CNIH3: variants seen among roughly 807,000 people sequenced by gnomAD.
CNIH3 encodes the protein protein cornichon homolog 3.
CNIH3 carries 14 observed loss-of-function variants against 24.1 expected under a neutral mutation model. The observed-to-expected ratio is 0.58, with a 90% CI of 0.38 to 0.91. The LOEUF (loss-of-function observed/expected upper bound fraction) is 0.91. Among genes scored for constraint, CNIH3 ranks in the 40% least tolerant of loss-of-function variants. CNIH3 has a pLI of 0.00. For missense variants in CNIH3, 178 were observed against 196.8 expected, an observed-to-expected ratio of 0.90 and a Z score of 0.57; for synonymous variants, 68 against 73.8, an observed-to-expected ratio of 0.92 and a Z score of 0.40.
intron 3 of CNIH3, among the ~76,000 whole-genome samples, chr1:224,562,644 G>A (rs1224154945): frequency 6.6e-6 from 1 of 152,116 alleles, no homozygotes; most frequent in African/African-American, 2.4e-5. Flanking sequence ...CTCATGAATG[G>A]CTTGGTGCCC....
chr1:224,669,138 C>T (rs1248252926), intron 1 of CNIH3, among the ~76,000 whole-genome samples: 1 of 152,164 alleles, frequency 6.6e-6, no homozygotes, highest in Non-Finnish European at 1.5e-5. Context: ...GACGGCTGTG[C>T]TGTCACCTGA....
intron 1 of CNIH3, among the ~76,000 whole-genome samples, chr1:224,659,505 A>G (rs1479620001): frequency 6.6e-6 from 1 of 152,060 alleles, no homozygotes; most frequent in African/African-American, 2.4e-5. Context: ...CATTTAGATA[A>G]CCTGAAAGCC....
At chr1:224,694,679 C>T (rs6695253) in intron 3 of CNIH3, among the ~76,000 whole-genome samples, 9,283 of 152,186 alleles carry the variant, frequency 0.061, 355 homozygotes, top group East Asian at 0.14. Context: ...ATGGAACCAA[C>T]CTAAATGCCC....
chr1:224,705,972 GCTCC>G (rs1687784564), intron 3 of CNIH3, among the ~76,000 whole-genome samples: 1 of 150,302 alleles, frequency 6.7e-6, no homozygotes, highest in Non-Finnish European at 1.5e-5. Context: ...GCTTCTGGGG[GCTCC>G]CCTAGCACCC....
intron 3 of CNIH3, among the ~76,000 whole-genome samples, chr1:224,564,722 G>A (rs1680510071): frequency 6.6e-6 from 1 of 152,258 alleles, no homozygotes; most frequent in Non-Finnish European, 1.5e-5. Context: ...AGATGGCAGA[G>A]CCACCTCAAT....
chr1:224,533,169 CAA>C (rs1318155590), intron 2 of CNIH3, among the ~76,000 whole-genome samples: 2 of 150,240 alleles, frequency 1.3e-5, no homozygotes, highest in Non-Finnish European at 3.0e-5. Flanking sequence ...AATGCTCTGG[CAA>C]AGTCATAGAG....
intron 4 of CNIH3, among the ~76,000 whole-genome samples, chr1:224,734,001 G>A (rs952387094): frequency 2.6e-5 from 4 of 152,272 alleles, no homozygotes; most frequent in Admixed American, 6.5e-5. Flanking sequence ...TCCCACCTAC[G>A]TTCTTTCACT....
intron 3 of CNIH3, 96 bp from the exon 4 acceptor site, chr1:224,730,366 G>A: frequency 1.3e-6 from 1 of 753,318 alleles, no homozygotes; most frequent in Non-Finnish European, 2.3e-6. Flanking sequence ...TCAACCGTCT[G>A]TGAGAGGCAG....
At chr1:224,556,591 A>T (rs1680149715) in intron 3 of CNIH3, among the ~76,000 whole-genome samples, 1 of 152,120 alleles carries the variant, frequency 6.6e-6, no homozygotes, top group Admixed American at 6.5e-5. Context: ...TCAGGATGAA[A>T]CTGTTCCACT....
chr1:224,603,039 T>C (rs1204886942), intron 3 of CNIH3, among the ~76,000 whole-genome samples: 5 of 152,164 alleles, frequency 3.3e-5, no homozygotes, highest in African/African-American at 1.2e-4. Context: ...CCAAAGATGA[T>C]TTTGAGGGCT....
At chr1:224,614,512 C>G (rs1682850467), upstream of CNIH3, among the ~76,000 whole-genome samples, 1 of 152,036 alleles carries the variant, frequency 6.6e-6, no homozygotes, top group South Asian at 2.1e-4. Context: ...TGTCTGCAAA[C>G]AAAACAAAAC....
chr1:224,529,775 C>G (rs1210973612), intron 2 of CNIH3, among the ~76,000 whole-genome samples: 2 of 152,202 alleles, frequency 1.3e-5, no homozygotes, highest in Non-Finnish European at 2.9e-5. Context: ...TTGTATATTC[C>G]TCTGAACTCT....
Position 224,596,874 on chromosome 1 carries a change from C to T in CNIH3, n.402+30610C>T, listed in dbSNP as rs547961210. On this transcript the variant is annotated intron_variant and non_coding_transcript_variant, in intron 3 of 7. Transcript: ENST00000478120. ...AGGCATCAAAAAACAGAATCTTGGCCGGGTGTGGTGGCTCACACCTGTAAT... is the reference window on the plus strand; with the variant it reads ...AGGCATCAAAAAACAGAATCTTGGCTGGGTGTGGTGGCTCACACCTGTAAT... 5.3e-5 allele frequency among the ~76,000 whole-genome samples: 8 copies of T among 152,202 alleles called. No individual in the cohort carries two copies. In the South Asian group the frequency reaches 8.3e-4, roughly 16 times the overall value.
At position 224,553,706 on chromosome 1, in the gene CNIH3, G is replaced by A. The variant is rs552307764; in HGVS notation, n.450+6767G>A. ...TCCAGTCTTCTGTGCATTTCCACAT[G>A]TAGTATAAACAAGAGTGGAATTTGG... On this transcript the variant is annotated intron_variant and non_coding_transcript_variant, in intron 3 of 5. Transcript: ENST00000471578. Among the ~76,000 whole-genome samples, 3 of 151,580 alleles carry A rather than the reference G, an allele frequency of 2.0e-5. No individual in the cohort carries two copies. The South Asian group carries it at 6.3e-4, about 32-fold the overall frequency.
intron 3 of CNIH3, among the ~76,000 whole-genome samples, chr1:224,687,357 T>C (rs1686712033): frequency 1.3e-5 from 2 of 152,212 alleles, no homozygotes; most frequent in African/African-American, 4.8e-5. Context: ...CTTAGCCTCC[T>C]GAGTAGCTGG....
At chr1:224,486,611 C>G (rs2124835062) in intron 1 of CNIH3, among the ~76,000 whole-genome samples, 1 of 152,264 alleles carries the variant, frequency 6.6e-6, no homozygotes, top group South Asian at 2.1e-4. Flanking sequence ...AATGCTCTTT[C>G]TATATCAACT....
chr1:224,625,321 G>A (rs1008530735), intron 1 of CNIH3, among the ~76,000 whole-genome samples: 13 of 152,060 alleles, frequency 8.5e-5, no homozygotes, highest in Non-Finnish European at 1.5e-4. Flanking sequence ...AGGCCTAGGC[G>A]GGCGGATCAT....
intron 1 of CNIH3, among the ~76,000 whole-genome samples, chr1:224,461,162 C>G (rs1275346461): frequency 6.6e-6 from 1 of 151,872 alleles, no homozygotes; most frequent in Non-Finnish European, 1.5e-5. Flanking sequence ...ACCACCACAC[C>G]CAGCTAATTT....
intron 2 of CNIH3, among the ~76,000 whole-genome samples, chr1:224,543,431 AG>A (rs1679588111): frequency 6.6e-6 from 1 of 152,132 alleles, no homozygotes; most frequent in East Asian, 1.9e-4. Context: ...AACAAACCTG[AG>A]GGGGCCATGA....
Sources: gnomAD v4.1 joint callset for allele counts (sites outside exome capture counted in the v4.1 genomes callset) on GRCh38, gnomAD v4.1.1 for gene constraint, MANE v1.5 for transcripts, NCBI Gene and HGNC (gene_info 2026-07-23, HGNC 2026-07-21) for gene names.